CUL2: variants seen among roughly 807,000 people sequenced by gnomAD.
The protein encoded by CUL2 is cullin 2, also known as cullin-2.
CUL2 carries 22 observed loss-of-function variants against 110.2 expected under a neutral mutation model. The observed-to-expected ratio is 0.20, with a 90% CI of 0.14 to 0.28. The LOEUF is 0.28. CUL2 is among the 10% of genes least tolerant of loss of function. The probability of loss-of-function intolerance (pLI) is 1.00; values close to 1 mark genes in which losing one functional copy is unlikely to be tolerated. For missense variants in CUL2, 631 were observed against 905.5 expected (o/e 0.70, Z 3.89); for synonymous variants, 279 against 293.2 (o/e 0.95, Z 0.49).
At chr10:35,053,531 A>G (rs1284686889) in intron 5 of CUL2, among the ~76,000 whole-genome samples, 3 of 152,232 alleles carry the variant, frequency 2.0e-5, no homozygotes, top group Non-Finnish European at 4.4e-5. Context: ...TACACTGTTC[A>G]GCCATTAGGC....
At chr10:35,039,588 G>C (rs1274369169) in intron 8 of CUL2, among the ~76,000 whole-genome samples, 1 of 152,218 alleles carries the variant, frequency 6.6e-6, no homozygotes, top group Non-Finnish European at 1.5e-5. Flanking sequence ...GTAGGGGCTG[G>C]ACATGGTGGC....
chr10:35,082,468 T>C (rs77128955), intron 1 of CUL2, among the ~76,000 whole-genome samples: 22,987 of 152,070 alleles, frequency 0.15, 1,964 homozygotes, highest in East Asian at 0.24. Flanking sequence ...TTGGAAATGG[T>C]GGTTTTGGAA....
Position 35,031,710 on chromosome 10 carries a change from C to T in CUL2, c.1171-91G>A. The T allele has an allele frequency of 1.4e-6, 2 of 1,408,172 alleles. No homozygotes were observed. The highest frequency in any genetic ancestry group is 2.0e-6 in the Non-Finnish European group (2 of 1,023,580). 87.2% of individuals were successfully genotyped at this position (1,408,172 alleles called of 1,614,324 possible). On this transcript the variant is annotated intron_variant, in intron 12 of 20. Coordinates refer to ENST00000374749, the MANE Select transcript of CUL2 (RefSeq NM_003591.4). This position sits in a 1 kb window ranked among gnomAD's most constrained non-coding sequence, Gnocchi z 4.4. ...GCAAAGTGGTGATACAAGGTAAGAT[C>T]AGCGGACAGAATTTTTGCTGTTTTT...
chr10:35,073,369 A>G (rs185178644), intron 1 of CUL2, among the ~76,000 whole-genome samples: 1 of 152,236 alleles, frequency 6.6e-6, no homozygotes, highest in Admixed American at 6.5e-5. Flanking sequence ...ACATCCTATC[A>G]TCAACTGTGC....
At chr10:35,071,416 T>C (rs2134988930) in intron 1 of CUL2, 77 bp from the exon 2 acceptor site, 1 of 1,352,648 alleles carries the variant, frequency 7.4e-7, no homozygotes, top group East Asian at 2.4e-5. Flanking sequence ...TTTTGTTTGT[T>C]TGCTTTGAGA....
At chr10:35,093,523 G>A (rs868221683), upstream of CUL2, among the ~76,000 whole-genome samples, 1 of 151,812 alleles carries the variant, frequency 6.6e-6, no homozygotes, top group Non-Finnish European at 1.5e-5. Context: ...GCCAGGCATG[G>A]TGGTGTGTGC....
At chr10:35,126,698 G>T (rs754239563), upstream of CUL2, 113 of 153,266 alleles carry the variant, frequency 7.4e-4, 1 homozygote, top group Admixed American at 2.0e-3. Context: ...GCAGCTTCCG[G>T]TTTCCAGCCT....
chr10:35,098,722 G>C (rs937761780), intron 2 of CUL2, among the ~76,000 whole-genome samples: 34 of 151,800 alleles, frequency 2.2e-4, no homozygotes, highest in Admixed American at 2.1e-3. Flanking sequence ...CCTGAGGTCA[G>C]GAGTTCGAGA....
At chr10:35,033,724 G>A (rs1778784534) in intron 10 of CUL2, among the ~76,000 whole-genome samples, 1 of 148,222 alleles carries the variant, frequency 6.7e-6, no homozygotes, top group Admixed American at 6.8e-5. Context: ...GCGACAGAGT[G>A]AGACTCCGTC....
intron 1 of CUL2, among the ~76,000 whole-genome samples, chr10:35,125,874 G>A (rs2087776541): frequency 6.6e-6 from 1 of 152,130 alleles, no homozygotes; most frequent in Admixed American, 6.5e-5. Flanking sequence ...CTGTCACCCA[G>A]ACTGGAGTGC....
At chr10:35,054,564 G>T in intron 4 of CUL2, 25 bp from the exon 5 acceptor site, 49 of 1,265,148 alleles carry the variant, frequency 3.9e-5, no homozygotes, top group Middle Eastern at 2.1e-4. Flanking sequence ...TAATATCAAT[G>T]GATATTAAGT....
intron 1 of CUL2, among the ~76,000 whole-genome samples, chr10:35,117,174 G>A (rs1312428008): frequency 3.3e-5 from 5 of 152,180 alleles, no homozygotes; most frequent in Admixed American, 1.3e-4. Context: ...AAGGGCACTA[G>A]CTTACTTGGG....
intron 8 of CUL2, among the ~76,000 whole-genome samples, chr10:35,042,045 A>T (rs1028860058): frequency 6.6e-6 from 1 of 152,200 alleles, no homozygotes; most frequent in African/African-American, 2.4e-5. Flanking sequence ...AGCCATTTTT[A>T]TGTGGGCAAT....
chr10:35,097,807 A>G (rs926108577), intron 2 of CUL2, among the ~76,000 whole-genome samples: 14 of 151,882 alleles, frequency 9.2e-5, no homozygotes, highest in East Asian at 3.9e-4. Context: ...AAAAATACAA[A>G]AATTAGCCAG....
At chr10:35,033,413 T>C (rs1328894791) in intron 10 of CUL2, 140 bp from the exon 11 acceptor site, 3 of 616,372 alleles carry the variant, frequency 4.9e-6, no homozygotes, top group African/African-American at 3.7e-5. Flanking sequence ...AAAATGGTTT[T>C]AGCTAAGACG....
intron 1 of CUL2, among the ~76,000 whole-genome samples, chr10:35,086,218 C>T: frequency 6.6e-6 from 1 of 151,890 alleles, no homozygotes. Context: ...GAAACAAGGC[C>T]GGGCACAGTG....
At chr10:35,083,207 C>T (rs2086983865) in intron 1 of CUL2, among the ~76,000 whole-genome samples, 1 of 151,752 alleles carries the variant, frequency 6.6e-6, no homozygotes, top group African/African-American at 2.4e-5. Context: ...CTTCTATTTC[C>T]CACCGTCAGA....
chr10:35,122,711 C>T (rs1231368009), intron 1 of CUL2, among the ~76,000 whole-genome samples: 1 of 152,130 alleles, frequency 6.6e-6, no homozygotes, highest in Non-Finnish European at 1.5e-5. Context: ...AATCTTGGCT[C>T]ACTGCAACCT....
intron 1 of CUL2, among the ~76,000 whole-genome samples, chr10:35,103,508 A>G (rs1589063533): frequency 2.0e-5 from 3 of 151,680 alleles, no homozygotes; most frequent in Non-Finnish European, 4.4e-5. Context: ...TATTTTTAGT[A>G]GAGACGGGGT....
Sources: gnomAD v4.1 joint callset for allele counts (sites outside exome capture counted in the v4.1 genomes callset) on GRCh38, gnomAD v4.1.1 for gene constraint, Gnocchi (gnomAD v3.1) non-coding constraint, MANE v1.5 for transcripts, NCBI Gene and HGNC (gene_info 2026-07-23, HGNC 2026-07-21) for gene names.